Variants in ALK observed in about 807,000 individuals in gnomAD.
ALK encodes ALK tyrosine kinase receptor.
In ALK, 74 loss-of-function variants were observed where a neutral mutation model predicts 163.1. The ratio of observed to expected loss-of-function variants is 0.45; its 90% confidence interval spans 0.38 to 0.55. ALK has a LOEUF of 0.55. ALK is among the 20% of genes least tolerant of loss of function. The probability of loss-of-function intolerance (pLI) is 0.00; values close to 1 mark genes in which losing one functional copy is unlikely to be tolerated. For missense variants in ALK, 2,063 were observed against 2,105.3 expected (o/e 0.98, Z 0.39); for synonymous variants, 960 against 843.2 (o/e 1.14, Z -2.40).
intron 4 of ALK, among the ~76,000 whole-genome samples, chr2:29,389,828 T>C (rs1466908531): frequency 3.3e-5 from 5 of 152,100 alleles, no homozygotes; most frequent in South Asian, 4.1e-4. Context: ...ACTACATAGC[T>C]CATCACATAA....
chr2:29,447,470 A>G (rs922300353), intron 4 of ALK, among the ~76,000 whole-genome samples: 1 of 152,230 alleles, frequency 6.6e-6, no homozygotes, highest in Admixed American at 6.5e-5. Flanking sequence ...AGGGAAAAAA[A>G]AAATCTCGTG....
intron 4 of ALK, among the ~76,000 whole-genome samples, chr2:29,432,056 C>A (rs145343843): frequency 2.6e-5 from 4 of 152,234 alleles, no homozygotes; most frequent in Non-Finnish European, 5.9e-5. Flanking sequence ...AATGCCCCTG[C>A]CCTGCTACCA....
At chr2:29,226,535 C>G (rs190666725) in intron 18 of ALK, among the ~76,000 whole-genome samples, 7 of 149,474 alleles carry the variant, frequency 4.7e-5, no homozygotes, top group Admixed American at 6.6e-5. Flanking sequence ...TCTTCAAACA[C>G]TGCACATGCA....
At chr2:29,634,282 G>A (rs72784161) in intron 3 of ALK, among the ~76,000 whole-genome samples, 1 of 152,166 alleles carries the variant, frequency 6.6e-6, no homozygotes, top group Non-Finnish European at 1.5e-5. Flanking sequence ...TATGAAGCTA[G>A]TATTACTCCA....
intron 3 of ALK, among the ~76,000 whole-genome samples, chr2:29,533,384 T>C (rs1467048057): frequency 2.0e-5 from 3 of 152,204 alleles, no homozygotes; most frequent in Admixed American, 2.0e-4. Context: ...CCTCTTGCTT[T>C]CCTAGGGAAG....
At position 29,873,116 on chromosome 2, in the gene ALK, C is replaced by T. The variant is rs13402604; in HGVS notation, c.667+46877G>A. Among the ~76,000 whole-genome samples, 110 of 152,304 alleles carry T rather than the reference C, an allele frequency of 7.2e-4. 2 individuals carry two copies. The highest frequency in any genetic ancestry group is 2.3e-3 in the African/African-American group (95 of 41,562). On this transcript the variant is annotated intron_variant, in intron 1 of 28. Transcript: ENST00000389048. ...AGTCAGGGGCACTGGTGGTATCCACCCTGGGCTGTGGCTCCAACCACTGAC... is the reference window on the plus strand; with the variant it reads ...AGTCAGGGGCACTGGTGGTATCCACTCTGGGCTGTGGCTCCAACCACTGAC...
At chr2:29,891,531 T>G (rs975284444) in intron 1 of ALK, among the ~76,000 whole-genome samples, 2 of 152,220 alleles carry the variant, frequency 1.3e-5, no homozygotes, top group African/African-American at 2.4e-5. Flanking sequence ...CCATAGGAAC[T>G]GCAAATGGCC....
chr2:29,833,193 A>C (rs1050287796), intron 1 of ALK, among the ~76,000 whole-genome samples: 5 of 152,136 alleles, frequency 3.3e-5, no homozygotes, highest in African/African-American at 4.8e-5. Flanking sequence ...CTCTGTTGGA[A>C]TCTCTCCAGG....
Position 29,330,336 on chromosome 2 carries a change from C to G in ALK, c.1283-1855G>C, listed in dbSNP as rs563766604. 1.1e-4 allele frequency among the ~76,000 whole-genome samples: 17 copies of G among 152,298 alleles called. No individual in the cohort carries two copies. In the East Asian group the frequency reaches 3.3e-3, roughly 29 times the overall value. ...CCATACTCTGCTGATTGAAATCCTG[C>G]CGTCCGTCCAGGTCCAGCTCACAGA... is the stretch of plus-strand genomic sequence containing the variant. On this transcript the variant is annotated intron_variant, in intron 5 of 28. Coordinates refer to ENST00000389048, the MANE Select transcript of ALK (RefSeq NM_004304.5).
At chr2:29,851,933 A>G (rs1666004593) in intron 1 of ALK, among the ~76,000 whole-genome samples, 1 of 152,226 alleles carries the variant, frequency 6.6e-6, no homozygotes, top group Admixed American at 6.5e-5. Flanking sequence ...TGGCCAAAAG[A>G]AGGTCAGCAG....
At chr2:29,476,550 G>A (rs1445079854) in intron 4 of ALK, among the ~76,000 whole-genome samples, 3 of 152,240 alleles carry the variant, frequency 2.0e-5, no homozygotes, top group Non-Finnish European at 2.9e-5. Flanking sequence ...CACAGGCCCC[G>A]TGCCTGCAAG....
chr2:29,675,884 T>C (rs1032236022), intron 3 of ALK, among the ~76,000 whole-genome samples: 1 of 151,948 alleles, frequency 6.6e-6, no homozygotes, highest in Non-Finnish European at 1.5e-5. Context: ...GTTTTATAAA[T>C]CTTATTTTTT....
At chr2:29,494,140 G>A (rs141662013) in intron 4 of ALK, among the ~76,000 whole-genome samples, 1 of 152,306 alleles carries the variant, frequency 6.6e-6, no homozygotes, top group Non-Finnish European at 1.5e-5. Context: ...TGTGATGGGT[G>A]GCTTAGATGA....
intron 1 of ALK, among the ~76,000 whole-genome samples, chr2:29,795,451 C>A (rs2148360143): frequency 6.6e-6 from 1 of 152,180 alleles, no homozygotes; most frequent in South Asian, 2.1e-4. Flanking sequence ...TATTTTTTGA[C>A]CCAGTAATTT....
At chr2:29,846,499 G>A (rs566215766) in intron 1 of ALK, among the ~76,000 whole-genome samples, 11 of 152,306 alleles carry the variant, frequency 7.2e-5, no homozygotes, top group African/African-American at 1.9e-4. Flanking sequence ...AGCCTGGCAC[G>A]CAGCAGGCAT....
At chr2:29,592,557 TC>T (rs1675091759) in intron 3 of ALK, among the ~76,000 whole-genome samples, 1 of 152,166 alleles carries the variant, frequency 6.6e-6, no homozygotes, top group African/African-American at 2.4e-5. Context: ...CTCCTTCTCC[TC>T]ACTTCCTGGC....
In ALK at chr2:29,246,653, A is replaced by C. The variant is rs973728051; in HGVS notation, c.2204+4452T>G. On this transcript the variant is annotated intron_variant, in intron 12 of 28. Transcript: ENST00000389048. The surrounding 1 kb of genome is among the most constrained non-coding windows in gnomAD (Gnocchi z 4.3). The stretch of plus-strand genomic sequence containing the variant: ...CATGCCAGAGCGTGGATGTAGTCCC[A>C]GCGTTGCACCCGACCCCACATTCAC... Among the ~76,000 whole-genome samples the C allele has an allele frequency of 3.3e-5, 5 of 152,052 alleles. No individual in the cohort carries two copies. Among genetic ancestry groups the C allele is most frequent in the Admixed American group, 6.6e-5 (1 of 15,266 alleles).
intron 9 of ALK, among the ~76,000 whole-genome samples, chr2:29,290,128 G>T (rs1307260485): frequency 1.3e-5 from 2 of 152,316 alleles, no homozygotes; most frequent in African/African-American, 4.8e-5. Context: ...ACAGGATGCT[G>T]TCTCGTGAAG....
chr2:29,383,675 T>C (rs1193777284), intron 5 of ALK, 57 bp downstream of exon 5: 10 of 1,611,874 alleles, frequency 6.2e-6, no homozygotes, highest in Non-Finnish European at 7.6e-6. Flanking sequence ...TTGCAGGTTA[T>C]TGACACATCT....
Sources: allele counts gnomAD v4.1 joint callset (sites outside exome capture counted in the v4.1 genomes callset), GRCh38; gene constraint gnomAD v4.1.1; non-coding constraint Gnocchi (gnomAD v3.1); transcripts MANE v1.5; gene names NCBI Gene and HGNC (gene_info 2026-07-23, HGNC 2026-07-21).